Variants in CYRIA observed in about 807,000 individuals in gnomAD.
The protein encoded by CYRIA is CYFIP-related Rac1 interactor A.
Under a neutral mutation model 43.9 loss-of-function variants are expected in CYRIA, and 15 were observed. The ratio of observed to expected loss-of-function variants is 0.34; its 90% CI spans 0.23 to 0.53. CYRIA has a LOEUF of 0.53. CYRIA is among the 20% of genes least tolerant of loss of function. The probability of loss-of-function intolerance (pLI) is 0.94; values close to 1 mark genes in which losing one functional copy is unlikely to be tolerated. For synonymous variants in CYRIA, 117 were observed against 136.0 expected (o/e 0.86, Z 0.97); for missense variants, 236 against 394.2 (o/e 0.60, Z 3.40).
intron 10 of CYRIA, among the ~76,000 whole-genome samples, chr2:16,557,311 CA>C (rs1368289048): frequency 6.6e-6 from 1 of 152,102 alleles, no homozygotes; most frequent in Non-Finnish European, 1.5e-5. Context: ...TGCTCTTCGG[CA>C]AAACGAGTTT....
chr2:16,561,670 G>T, intron 6 of CYRIA, 137 bp from the exon 7 acceptor site: 1 of 695,036 alleles, frequency 1.4e-6, no homozygotes, highest in South Asian at 1.9e-5. Flanking sequence ...GCAACTTCTG[G>T]TTAGAAATAA....
At chr2:16,649,870 G>T (rs1046829223) in intron 1 of CYRIA, among the ~76,000 whole-genome samples, 1 of 152,186 alleles carries the variant, frequency 6.6e-6, no homozygotes, top group Non-Finnish European at 1.5e-5. Flanking sequence ...CCCTCCCTGG[G>T]AGGAGGTTAC....
At position 16,550,013 on chromosome 2, in the gene CYRIA, T is replaced by A. The variant is rs915992128; in HGVS notation, c.*2923A>T. On this transcript the variant is annotated 3_prime_UTR_variant, in exon 12 of 12. Coordinates refer to ENST00000381323, the MANE Select transcript of CYRIA (RefSeq NM_030797.4). ...TTTTTTTTTTTTGTTATTGTTTTTT[T>A]TTTTCTACTACTAATTCCTAGTGGT... 6.6e-6 allele frequency: 1 copy of A among 151,630 alleles called. No homozygotes were observed. Among genetic ancestry groups the A allele is most frequent in the Non-Finnish European group, 1.5e-5 (1 of 67,888 alleles). 9.4% of individuals were successfully genotyped at this position (151,630 alleles called of 1,614,324 possible).
intron 2 of CYRIA, among the ~76,000 whole-genome samples, chr2:16,609,786 C>T (rs924337049): frequency 6.6e-6 from 1 of 152,164 alleles, no homozygotes; most frequent in Admixed American, 6.5e-5. Flanking sequence ...TAAAACAAAA[C>T]GTATGCTTCT....
intron 2 of CYRIA, among the ~76,000 whole-genome samples, chr2:16,592,327 G>C (rs978813644): frequency 2.0e-5 from 3 of 152,126 alleles, no homozygotes; most frequent in Non-Finnish European, 4.4e-5. Flanking sequence ...AGAGACGGGA[G>C]AGGATATACC....
chr2:16,588,159 AT>A, intron 2 of CYRIA, 30 bp from the exon 3 acceptor site: 1 of 1,409,356 alleles, frequency 7.1e-7, no homozygotes. Flanking sequence ...ACCAAATACC[AT>A]TAGCAACATA....
At chr2:16,633,403 GA>G (rs1206572548) in intron 1 of CYRIA, among the ~76,000 whole-genome samples, 1 of 114,898 alleles carries the variant, frequency 8.7e-6, no homozygotes, top group East Asian at 4.8e-4. Context: ...GTTGTCTCAT[GA>G]CTTTTATTTA....
At chr2:16,568,034 A>G (rs190496719) in intron 3 of CYRIA, among the ~76,000 whole-genome samples, 104 of 152,234 alleles carry the variant, frequency 6.8e-4, no homozygotes, top group African/African-American at 2.5e-3. Flanking sequence ...TCTACTGGAG[A>G]CAGTAAGGGA....
At chr2:16,638,227 C>T (rs941618170) in intron 1 of CYRIA, among the ~76,000 whole-genome samples, 1 of 152,172 alleles carries the variant, frequency 6.6e-6, no homozygotes, top group Non-Finnish European at 1.5e-5. Context: ...TTTCTTCCAC[C>T]CCTGGGGATG....
intron 1 of CYRIA, among the ~76,000 whole-genome samples, chr2:16,654,674 T>C (rs1297178336): frequency 4.6e-5 from 7 of 152,186 alleles, no homozygotes; most frequent in Admixed American, 4.6e-4. Context: ...ATTGTCTTTA[T>C]CTTTAAAAAA....
At chr2:16,608,137 T>C (rs1668473109) in intron 2 of CYRIA, among the ~76,000 whole-genome samples, 1 of 152,156 alleles carries the variant, frequency 6.6e-6, no homozygotes, top group Non-Finnish European at 1.5e-5. Flanking sequence ...TATTCATTTA[T>C]GGCCACTGAG....
intron 1 of CYRIA, among the ~76,000 whole-genome samples, chr2:16,652,062 A>G (rs1669988996): frequency 6.6e-6 from 1 of 152,186 alleles, no homozygotes; most frequent in Admixed American, 6.5e-5. Flanking sequence ...GCTGAAAGCA[A>G]TCTTCCCTCC....
intron 1 of CYRIA, among the ~76,000 whole-genome samples, chr2:16,655,614 G>C (rs1282427775): frequency 6.6e-6 from 1 of 152,192 alleles, no homozygotes; most frequent in East Asian, 1.9e-4. Context: ...TGAACCTGAA[G>C]GAGTTGTAAA....
intron 2 of CYRIA, among the ~76,000 whole-genome samples, chr2:16,619,589 C>T (rs1364797691): frequency 6.6e-6 from 1 of 152,164 alleles, no homozygotes; most frequent in Non-Finnish European, 1.5e-5. Flanking sequence ...AGATGAATTC[C>T]TCCTCCTTTC....
chr2:16,646,826 G>A (rs1213312832), intron 1 of CYRIA, among the ~76,000 whole-genome samples: 6 of 152,180 alleles, frequency 3.9e-5, no homozygotes, highest in African/African-American at 1.4e-4. Flanking sequence ...GAATTAAAGG[G>A]GGGGGATTTT....
intron 3 of CYRIA, among the ~76,000 whole-genome samples, chr2:16,581,096 T>C (rs959578628): frequency 1.3e-5 from 2 of 152,140 alleles, no homozygotes; most frequent in Non-Finnish European, 2.9e-5. Flanking sequence ...TTAAAAATTA[T>C]AAACTGTACT....
chr2:16,565,626 C>T lies in CYRIA; in HGVS notation c.192+20G>A, dbSNP rs112903304. Reference sequence around the variant, plus strand: ...TTCCCCTCCTCGGGTGTTGTCAGTTCAGCGTGATCATTGACATACATCTCG... The same window carrying T: ...TTCCCCTCCTCGGGTGTTGTCAGTTTAGCGTGATCATTGACATACATCTCG... On this transcript the variant is annotated intron_variant, in intron 4 of 11. Coordinates refer to ENST00000381323, the MANE Select transcript of CYRIA (RefSeq NM_030797.4). 8,398 of 1,542,892 alleles carry T rather than the reference C, an allele frequency of 5.4e-3. 47 individuals are homozygous for T. The highest frequency in any genetic ancestry group is 6.0e-3 in the Non-Finnish European group (6,758 of 1,130,602).
chr2:16,644,416 G>A (rs541866694), intron 1 of CYRIA, among the ~76,000 whole-genome samples: 1 of 152,236 alleles, frequency 6.6e-6, no homozygotes, highest in Non-Finnish European at 1.5e-5. Flanking sequence ...AGTCATACTG[G>A]AAGACTGCCC....
intron 3 of CYRIA, among the ~76,000 whole-genome samples, chr2:16,575,855 CA>C (rs1279193778): frequency 6.8e-6 from 1 of 146,860 alleles, no homozygotes. Flanking sequence ...GACTCCATCT[CA>C]AAAAAATAAA....
Sources: gnomAD v4.1 joint callset for allele counts (sites outside exome capture counted in the v4.1 genomes callset) on GRCh38, gnomAD v4.1.1 for gene constraint, MANE v1.5 for transcripts, NCBI Gene and HGNC (gene_info 2026-07-23, HGNC 2026-07-21) for gene names.